The following JAK1 variants were observed in gnomAD, a reference collection of about 807,000 sequenced individuals.
JAK1 encodes tyrosine-protein kinase JAK1.
In JAK1, 16 loss-of-function variants were observed where a neutral mutation model predicts 136.6. The observed-to-expected ratio is 0.12, with a 90% CI of 0.08 to 0.18. JAK1 has a LOEUF of 0.18. Ranked by LOEUF, JAK1 falls within the 10% of genes least tolerant of loss-of-function variation. The pLI, the probability that JAK1 is intolerant of heterozygous loss-of-function variation, is 1.00. For synonymous variants in JAK1, 492 were observed against 519.5 expected, an observed-to-expected ratio of 0.95 and a Z score of 0.72; for missense variants, 859 against 1,450.1, an observed-to-expected ratio of 0.59 and a Z score of 6.62.
At chr1:64,873,335 C>T (rs755595245) in intron 5 of JAK1, 35 bp downstream of exon 5, 2 of 1,613,380 alleles carry the variant, frequency 1.2e-6, no homozygotes, top group Non-Finnish European at 8.5e-7. Context: ...TCCCATCCCA[C>T]AAACTCCAGC....
chr1:64,858,863 A>T (rs765928259), intron 9 of JAK1, among the ~76,000 whole-genome samples: 1 of 152,156 alleles, frequency 6.6e-6, no homozygotes, highest in Non-Finnish European at 1.5e-5. Context: ...GATTGTATAT[A>T]AGGTGGTCAA....
chr1:64,924,910 G>T (rs914211415), intron 1 of JAK1, among the ~76,000 whole-genome samples: 2 of 152,154 alleles, frequency 1.3e-5, no homozygotes, highest in South Asian at 2.1e-4. Flanking sequence ...ATACAATGAT[G>T]GGTACATGTC....
intron 2 of JAK1, among the ~76,000 whole-genome samples, chr1:64,988,637 T>G (rs929802337): frequency 6.6e-6 from 1 of 151,258 alleles, no homozygotes; most frequent in Non-Finnish European, 1.5e-5. Flanking sequence ...AATCCCAGCA[T>G]TTTGGGAGGT....
chr1:64,922,672 A>G (rs1435652499), intron 1 of JAK1, among the ~76,000 whole-genome samples: 2 of 152,224 alleles, frequency 1.3e-5, no homozygotes, highest in African/African-American at 4.8e-5. Context: ...TAGATTACAT[A>G]TCAAAAACTT....
chr1:65,037,439 C>A (rs1050254017), intron 2 of JAK1, among the ~76,000 whole-genome samples: 4 of 152,176 alleles, frequency 2.6e-5, no homozygotes, highest in Admixed American at 2.0e-4. Context: ...CCGTGCCCAG[C>A]TTGTATTAAG....
intron 1 of JAK1, among the ~76,000 whole-genome samples, chr1:64,944,393 T>A (rs1645946364): frequency 6.6e-6 from 1 of 152,176 alleles, no homozygotes; most frequent in Admixed American, 6.5e-5. Flanking sequence ...AAATAATATG[T>A]CACTTTTGGA....
At chr1:64,960,755 T>G (rs1227489090) in intron 1 of JAK1, among the ~76,000 whole-genome samples, 2 of 152,250 alleles carry the variant, frequency 1.3e-5, no homozygotes, top group East Asian at 3.8e-4. Flanking sequence ...CCTCAGACCT[T>G]CTTACATACC....
At chr1:64,885,028 T>C (rs1456569636) in intron 2 of JAK1, among the ~76,000 whole-genome samples, 1 of 152,192 alleles carries the variant, frequency 6.6e-6, no homozygotes, top group Non-Finnish European at 1.5e-5. Flanking sequence ...ATTCATTTGC[T>C]TGGTCTATTA....
chr1:65,017,566 C>G (rs888235291), intron 2 of JAK1, among the ~76,000 whole-genome samples: 1 of 151,992 alleles, frequency 6.6e-6, no homozygotes, highest in South Asian at 2.1e-4. Flanking sequence ...TCAACAACTG[C>G]AGAAAAAAAT....
At chr1:65,034,444 GA>G (rs1171725848) in intron 2 of JAK1, among the ~76,000 whole-genome samples, 5 of 152,322 alleles carry the variant, frequency 3.3e-5, no homozygotes, top group Middle Eastern at 3.4e-3. Context: ...AAGTGACAAG[GA>G]AATGACTCTG....
At position 64,833,392 on chromosome 1, in the gene JAK1, A is replaced by C; in HGVS notation, c.*1170T>G. 1 of 232,948 alleles carries C rather than the reference A, an allele frequency of 4.3e-6. No homozygotes were observed. The highest frequency in any genetic ancestry group is 8.5e-6 in the Non-Finnish European group (1 of 117,584). 14.4% of individuals were successfully genotyped at this position (232,948 alleles called of 1,614,324 possible). A position where few individuals can be genotyped will look rare whatever the true frequency, so the allele number is the denominator to read the frequency against. ...CCTGAATTTGGGCTCAACAGGTGAA[A>C]AGTAACAATATCAAACGAATACTAA... On this transcript the variant is annotated 3_prime_UTR_variant, in exon 25 of 25. Transcript: ENST00000342505.
intron 2 of JAK1, among the ~76,000 whole-genome samples, chr1:65,010,120 A>T (rs1646836427): frequency 6.6e-6 from 1 of 152,150 alleles, no homozygotes; most frequent in South Asian, 2.1e-4. Flanking sequence ...TTGTCCACAA[A>T]TTTTTTGGCA....
At chr1:64,856,644 A>T (rs1202686536) in intron 10 of JAK1, among the ~76,000 whole-genome samples, 1 of 152,152 alleles carries the variant, frequency 6.6e-6, no homozygotes, top group Non-Finnish European at 1.5e-5. Context: ...TCCTCCAATG[A>T]CTGATGAATA....
intron 2 of JAK1, chr1:64,974,593 G>C (rs1430179632): frequency 6.6e-6 from 1 of 152,184 alleles, no homozygotes; most frequent in Non-Finnish European, 1.5e-5. Flanking sequence ...GGTCCATCTG[G>C]AAACTCATCA....
At chr1:64,947,642 C>A (rs1646011521) in intron 1 of JAK1, among the ~76,000 whole-genome samples, 1 of 149,446 alleles carries the variant, frequency 6.7e-6, no homozygotes. Flanking sequence ...TTTAACTTAA[C>A]CAAAAAAGAA....
At chr1:65,015,310 G>A (rs571661179) in intron 2 of JAK1, among the ~76,000 whole-genome samples, 5 of 152,076 alleles carry the variant, frequency 3.3e-5, no homozygotes, top group Admixed American at 1.3e-4. Context: ...TGCAAATTAA[G>A]AAGAGAGTCA....
intron 5 of JAK1, among the ~76,000 whole-genome samples, chr1:64,871,854 G>A (rs1168910951): frequency 6.6e-6 from 1 of 152,166 alleles, no homozygotes; most frequent in Non-Finnish European, 1.5e-5. Context: ...CTTGGACCCA[G>A]CACAATCTGC....
At chr1:65,060,939 A>G (rs1160439297) in intron 1 of JAK1, among the ~76,000 whole-genome samples, 2 of 152,242 alleles carry the variant, frequency 1.3e-5, no homozygotes, top group African/African-American at 4.8e-5. Context: ...ATAACTGCAT[A>G]CTAAGGAAGA....
At chr1:64,910,549 T>C (rs1645265889) in intron 1 of JAK1, among the ~76,000 whole-genome samples, 2 of 152,114 alleles carry the variant, frequency 1.3e-5, no homozygotes, top group African/African-American at 4.8e-5. Context: ...AATATCAACA[T>C]ATGGCCAGGT....
Sources: allele counts gnomAD v4.1 joint callset (sites outside exome capture counted in the v4.1 genomes callset), GRCh38; gene constraint gnomAD v4.1.1; transcripts MANE v1.5; gene names NCBI Gene and HGNC (gene_info 2026-07-23, HGNC 2026-07-21).